The following SNX16 variants were observed in gnomAD, a reference collection of about 807,000 sequenced individuals.
SNX16 encodes the protein sorting nexin 16, also known as sorting nexin-16.
Under a neutral mutation model 36.7 loss-of-function variants are expected in SNX16, and 35 were observed. The observed-to-expected ratio is 0.95, with a 90% CI of 0.73 to 1.27. The LOEUF (loss-of-function observed/expected upper bound fraction) is 1.27. Among genes scored for constraint, SNX16 ranks in the 50% most tolerant of loss-of-function variants. SNX16 has a pLI of 0.00. For synonymous variants in SNX16, 134 were observed against 132.0 expected (o/e 1.02, Z -0.10); for missense variants, 367 against 393.6 (o/e 0.93, Z 0.57).
chr8:81,841,113 G>A (rs1177944435), intron 1 of SNX16, among the ~76,000 whole-genome samples: 1 of 152,196 alleles, frequency 6.6e-6, no homozygotes, highest in Non-Finnish European at 1.5e-5. Flanking sequence ...GGATGAAGCG[G>A]GTGGATCGCC....
In SNX16 at chr8:81,803,231, T is replaced by TA. The variant is rs756556566; in HGVS notation, c.682-4dup. 202 of 1,585,838 alleles carry TA rather than the reference T, an allele frequency of 1.3e-4. No individual in the cohort carries two copies. The highest frequency in any genetic ancestry group is 3.0e-4 in the Admixed American group (16 of 53,136). On this transcript the variant is annotated splice_region_variant and splice_polypyrimidine_tract_variant and intron_variant, in intron 5 of 7. Coordinates refer to ENST00000345957, the MANE Select transcript of SNX16 (RefSeq NM_152836.3). ...TCTTCTAAAGTTTCACAGAATGCCT[T>TA]AAAAAAAACAACAAACAAAACTAAA...
chr8:81,808,286 G>C, intron 5 of SNX16: 2 of 1,148,984 alleles, frequency 1.7e-6, no homozygotes, highest in Non-Finnish European at 2.6e-6. Context: ...ACCATGAATG[G>C]CCACAACTGT....
intron 7 of SNX16, 90 bp from the exon 8 acceptor site, chr8:81,801,683 T>C: frequency 1.5e-6 from 1 of 684,152 alleles, no homozygotes; most frequent in Non-Finnish European, 2.2e-6. Context: ...AAAAATCTTC[T>C]ACCTTATAGA....
intron 5 of SNX16, among the ~76,000 whole-genome samples, chr8:81,805,466 G>T (rs911520792): frequency 1.3e-5 from 2 of 152,090 alleles, no homozygotes; most frequent in African/African-American, 4.8e-5. Context: ...GACAGGAAAA[G>T]AATTTAATCA....
intron 5 of SNX16, chr8:81,808,572 A>G: frequency 1.0e-6 from 1 of 992,850 alleles, no homozygotes; most frequent in Non-Finnish European, 1.6e-6. Flanking sequence ...CAGTTACAAC[A>G]ATCAGTCTTC....
At position 81,803,098 on chromosome 8, in the gene SNX16, C is replaced by A; in HGVS notation, c.812G>T (p.Arg271Ile). The change falls in exon 6 of 8, where the codon AGA becomes ATA. Residue 271 changes from arginine (R) to isoleucine (I), a missense_variant. Arg to Ile is a moderately conservative substitution (Grantham distance 97). Coordinates refer to ENST00000345957, the MANE Select transcript of SNX16 (RefSeq NM_152836.3). ...KQLHIDTLENRIRTLSLEPEE... is the reference protein window; with the variant it reads ...KQLHIDTLENIIRTLSLEPEE... Reference sequence around the variant, plus strand: ...TGCAAGTATCACAACACACCTGATTCTGTTCTCTAAAGTGTCTATATGAAG... The same window carrying A: ...TGCAAGTATCACAACACACCTGATTATGTTCTCTAAAGTGTCTATATGAAG... 1 of 1,605,480 alleles carries A rather than the reference C, an allele frequency of 6.2e-7. No individual in the cohort carries two copies.
rs572592090 is a variant in SNX16, at chr8:81,815,122, T to C, written c.681+203A>G. ...AGCTTTATTGACTATAAGACATATA[T>C]GAATTTTTACTTTTTCACTGAGCTA... On this transcript the variant is annotated intron_variant, in intron 5 of 7. Coordinates refer to ENST00000345957, the MANE Select transcript of SNX16 (RefSeq NM_152836.3). 5.6e-4 allele frequency: 172 copies of C among 308,348 alleles called. 1 individual carries two copies. The highest frequency in any genetic ancestry group is 3.5e-3 in the African/African-American group (164 of 47,070). The allele number at this position is 308,348 out of a possible 1,614,324, so 19.1% of individuals were successfully genotyped here. A position where few individuals can be genotyped will look rare whatever the true frequency, so the allele number is the denominator to read the frequency against.
rs145470261 is a variant in SNX16 at position 81,802,538 on chromosome 8, C to T, written c.819-39G>A. 6.1e-4 allele frequency: 945 copies of T among 1,561,510 alleles called. 8 individuals are homozygous for T. In the East Asian group the frequency reaches 0.02, roughly 33 times the overall value. ...ATAGCAACAAGTTATTTTCTATGAA[C>T]AAAACAGGCATATGTTTAATGTTGT... On this transcript the variant is annotated intron_variant, in intron 6 of 7. Transcript: ENST00000345957.
At chr8:81,821,260 C>T (rs1810728486) in intron 4 of SNX16, among the ~76,000 whole-genome samples, 1 of 151,844 alleles carries the variant, frequency 6.6e-6, no homozygotes, top group Admixed American at 6.6e-5. Context: ...TACCACTGTT[C>T]TGAGCTATGC....
chr8:81,830,226 A>G (rs910393495), intron 2 of SNX16, among the ~76,000 whole-genome samples: 1 of 152,170 alleles, frequency 6.6e-6, no homozygotes, highest in Non-Finnish European at 1.5e-5. Context: ...GCATACATCT[A>G]ATCATGGAGA....
chr8:81,822,782 G>A (rs1023282705), intron 4 of SNX16, among the ~76,000 whole-genome samples: 1 of 151,786 alleles, frequency 6.6e-6, no homozygotes, highest in South Asian at 2.1e-4. Flanking sequence ...TGAAGATGTC[G>A]AGGAGACAAC....
intron 5 of SNX16, 84 bp downstream of exon 5, chr8:81,815,241 T>C: frequency 9.7e-7 from 1 of 1,035,762 alleles, no homozygotes; most frequent in Non-Finnish European, 1.4e-6. Flanking sequence ...ATTTTGCTGT[T>C]TGCTATTCCA....
chr8:81,816,262 T>A (rs545692213), intron 4 of SNX16, among the ~76,000 whole-genome samples: 1 of 151,684 alleles, frequency 6.6e-6, no homozygotes, highest in Admixed American at 6.6e-5. Context: ...TGATCTCGGC[T>A]CACTGCAACC....
At chr8:81,808,498 G>A (rs1481997044) in intron 5 of SNX16, 2 of 963,844 alleles carry the variant, frequency 2.1e-6, no homozygotes, top group Non-Finnish European at 3.3e-6. Flanking sequence ...AGTGGGGATG[G>A]CTATAAGGGA....
In SNX16 at chr8:81,801,490, T is replaced by C; in HGVS notation, c.*7A>G. On this transcript the variant is annotated 3_prime_UTR_variant, in exon 8 of 8. Transcript: ENST00000345957. ...TAGTCTAAATGGAGGGAACTGCTTG[T>C]GATACATTAGTCTTCTTCAGCATCA... 6.5e-7 allele frequency: 1 copy of C among 1,545,370 alleles called. No homozygotes were observed. Among genetic ancestry groups the C allele is most frequent in the Non-Finnish European group, 8.8e-7 (1 of 1,133,438 alleles).
At chr8:81,824,924 A>G (rs1322484993) in intron 3 of SNX16, among the ~76,000 whole-genome samples, 1 of 152,134 alleles carries the variant, frequency 6.6e-6, no homozygotes, top group Non-Finnish European at 1.5e-5. Flanking sequence ...TCACTCACTT[A>G]CATCTATAGT....
chr8:81,840,666 CAAAT>C (rs138199889), intron 1 of SNX16, among the ~76,000 whole-genome samples: 13,594 of 152,144 alleles, frequency 0.089, 691 homozygotes, highest in East Asian at 0.18. Context: ...TCAAGTTACT[CAAAT>C]AAAACCCAGT....
At chr8:81,841,562 G>A (rs1043500568) in intron 1 of SNX16, 1 of 151,600 alleles carries the variant, frequency 6.6e-6, no homozygotes, top group Non-Finnish European at 1.5e-5. Flanking sequence ...CTGGGGGGAG[G>A]TCGCATATCA....
At position 81,800,759 on chromosome 8, in the gene SNX16, C is replaced by A. The variant is rs1809649606; in HGVS notation, c.*738G>T. 6.6e-6 allele frequency: 1 copy of A among 152,084 alleles called. No individual in the cohort carries two copies. The highest frequency in any genetic ancestry group is 1.5e-5 in the Non-Finnish European group (1 of 67,640). 9.4% of individuals were successfully genotyped at this position (152,084 alleles called of 1,614,324 possible). A position where few individuals can be genotyped will look rare whatever the true frequency, so the allele number is the denominator to read the frequency against. ...GGTAGTATTCTGAAAGAGGCAAACT[C>A]ACTAAATCTAGGTAGAGATAAAGAT... On this transcript the variant is annotated 3_prime_UTR_variant, in exon 8 of 8. Coordinates refer to ENST00000345957, the MANE Select transcript of SNX16 (RefSeq NM_152836.3).
Sources: allele counts gnomAD v4.1 joint callset (sites outside exome capture counted in the v4.1 genomes callset), GRCh38; gene constraint gnomAD v4.1.1; transcripts MANE v1.5; gene names NCBI Gene and HGNC (gene_info 2026-07-23, HGNC 2026-07-21).